Variants in MTAP observed in about 807,000 individuals in gnomAD.
MTAP encodes methylthioadenosine phosphorylase.
A neutral mutation model predicts 33.6 loss-of-function variants in MTAP; 33 were observed. That is an observed-to-expected ratio of 0.98 (90% CI 0.74 to 1.31). MTAP has a LOEUF of 1.31. Ranked by LOEUF, MTAP falls within the 40% of genes most tolerant of loss-of-function variation. The pLI is 0.00. For synonymous variants in MTAP, 148 were observed against 125.7 expected (o/e 1.18, Z -1.19); for missense variants, 367 against 360.0 (o/e 1.02, Z -0.16).
intron 7 of MTAP, chr9:21,859,848 A>G (rs1825719027): frequency 6.5e-6 from 1 of 153,460 alleles, no homozygotes; most frequent in African/African-American, 2.4e-5. Flanking sequence ...GGTGCCAGAA[A>G]ATATCTGCTT....
In MTAP at chr9:21,862,458, A is replaced by G. The variant is rs1825773480; in HGVS notation, c.*444A>G. 1 of 155,080 alleles carries G rather than the reference A, an allele frequency of 6.4e-6. No homozygotes were observed. Among genetic ancestry groups the G allele is most frequent in the South Asian group, 2.0e-4 (1 of 4,970 alleles). The allele number at this position is 155,080 out of a possible 1,614,324, so 9.6% of individuals were successfully genotyped here. ...GTAAAATGCATCAAAAGACTTAAAA[A>G]TACGGACGTACTTTGTGCTGGGAAC... is the stretch of plus-strand genomic sequence containing the variant. On this transcript the variant is annotated 3_prime_UTR_variant, in exon 8 of 8. Transcript: ENST00000644715.
At chr9:21,827,196 A>T (rs991259530) in intron 4 of MTAP, among the ~76,000 whole-genome samples, 1 of 152,136 alleles carries the variant, frequency 6.6e-6, no homozygotes, top group Non-Finnish European at 1.5e-5. Context: ...CTGGATGGAG[A>T]GTGGAGAGTA....
At chr9:21,941,017 G>A, downstream of MTAP, 1 of 984,428 alleles carries the variant, frequency 1.0e-6, no homozygotes, top group Non-Finnish European at 1.2e-6. Context: ...ACATATATTT[G>A]CATGAAATCA....
intron 1 of MTAP, among the ~76,000 whole-genome samples, chr9:21,891,108 A>T (rs962022282): frequency 6.6e-6 from 1 of 152,212 alleles, no homozygotes; most frequent in Non-Finnish European, 1.5e-5. Context: ...CCATCAAGGG[A>T]ACCAACAAAT....
At chr9:21,836,745 G>T (rs1825118519) in intron 4 of MTAP, among the ~76,000 whole-genome samples, 1 of 152,210 alleles carries the variant, frequency 6.6e-6, no homozygotes, top group African/African-American at 2.4e-5. Context: ...GTTGGGAGGA[G>T]CTCGGATGGG....
chr9:21,826,426 A>T (rs1318649971), intron 4 of MTAP, among the ~76,000 whole-genome samples: 1 of 151,422 alleles, frequency 6.6e-6, no homozygotes, highest in Non-Finnish European at 1.5e-5. Context: ...ATCAAGTGTC[A>T]TTTAGTGTCT....
chr9:21,909,281 T>C (rs970195120), intron 1 of MTAP, among the ~76,000 whole-genome samples: 32 of 152,066 alleles, frequency 2.1e-4, no homozygotes, highest in African/African-American at 7.7e-4. Context: ...TCTTTTAGCA[T>C]TTAAAAAAAA....
intron 5 of MTAP, among the ~76,000 whole-genome samples, chr9:21,843,746 G>T (rs980184952): frequency 6.6e-6 from 1 of 152,160 alleles, no homozygotes; most frequent in Non-Finnish European, 1.5e-5. Flanking sequence ...TACAGAAAAA[G>T]TGGTGCTAAT....
rs150293271 is a variant in MTAP, at chr9:21,882,985, T to G, written c.147+28115T>G. Among the ~76,000 whole-genome samples the G allele has an allele frequency of 3.5e-4, 52 of 149,408 alleles. No individual in the cohort carries two copies. The Middle Eastern group carries it at 0.01, about 30-fold the overall frequency. ...TGCTTATTTTCAAAAAGAAAAAAAA[T>G]TAAGAAGTGAGGCCCCTAACTCAAG... On this transcript the variant is annotated intron_variant, in intron 1 of 1. Transcript: ENST00000577563.
chr9:21,803,482 C>T (rs533100098), intron 1 of MTAP: 1 of 152,174 alleles, frequency 6.6e-6, no homozygotes, highest in African/African-American at 2.4e-5. Context: ...GTTTTGCAGC[C>T]TTGCAAGTTA....
At position 21,837,960 on chromosome 9, in the gene MTAP, G is replaced by A. The variant is rs939611594; in HGVS notation, c.400G>A (p.Gly134Arg). Reference sequence around the variant, plus strand: ...TGATGGAAGTCATTCTTGTGCCAGAGGAGTGTGCCATATTCCAATGGCTGA... The same window carrying A: ...TGATGGAAGTCATTCTTGTGCCAGAAGAGTGTGCCATATTCCAATGGCTGA... ...FYDGSHSCAR[G>R]VCHIPMAEPF... The change falls in exon 5 of 8, where the codon GGA becomes AGA. Residue 134 changes from glycine (G) to arginine (R), a missense_variant. Gly to Arg is a moderately radical substitution (Grantham distance 125). Transcript: ENST00000644715. The A allele has an allele frequency of 6.2e-7, 1 of 1,614,058 alleles. No homozygotes were observed. The highest frequency in any genetic ancestry group is 8.5e-7 in the Non-Finnish European group (1 of 1,180,020).
chr9:21,935,454 G>A (rs1159704757), downstream of MTAP: 3 of 151,650 alleles, frequency 2.0e-5, no homozygotes, highest in African/African-American at 7.3e-5. Context: ...CAGTTCTTTA[G>A]TTGCATATAA....
At chr9:21,884,901 A>G (rs1014145647) in intron 1 of MTAP, among the ~76,000 whole-genome samples, 5 of 152,196 alleles carry the variant, frequency 3.3e-5, no homozygotes, top group Non-Finnish European at 7.3e-5. Flanking sequence ...TCAAGGTTGC[A>G]TACACAATTA....
At chr9:21,845,237 A>G (rs1825349416) in intron 5 of MTAP, among the ~76,000 whole-genome samples, 1 of 152,220 alleles carries the variant, frequency 6.6e-6, no homozygotes, top group Admixed American at 6.5e-5. Flanking sequence ...GAGGAAGTCA[A>G]ACTGTTGCTG....
At chr9:21,806,443 G>C (rs1824209854) in intron 1 of MTAP, among the ~76,000 whole-genome samples, 6 of 152,088 alleles carry the variant, frequency 3.9e-5, no homozygotes. Context: ...GTGAGTGTAG[G>C]ATTCCTTCCT....
At chr9:21,873,004 A>G (rs1053096223) in intron 1 of MTAP, among the ~76,000 whole-genome samples, 1 of 152,064 alleles carries the variant, frequency 6.6e-6, no homozygotes, top group Non-Finnish European at 1.5e-5. Flanking sequence ...TTACAAATAC[A>G]TTGGTTCCTT....
rs1818796985 is a variant in MTAP, at chr9:21,922,106, C to G, written c.148-8902C>G. Among the ~76,000 whole-genome samples the G allele has an allele frequency of 6.6e-6, 1 of 152,058 alleles. No homozygotes were observed. The highest frequency in any genetic ancestry group is 1.5e-5 in the Non-Finnish European group (1 of 68,026). On this transcript the variant is annotated intron_variant, in intron 1 of 1. Transcript: ENST00000577563. The surrounding 1 kb of genome is among the most constrained non-coding windows in gnomAD (Gnocchi z 4.8). ...AACAGCTTCCCAATAAGGAGCTGAG[C>G]AAGCAGTCTCAAGCATGCACTAAGA...
rs1018103939 is a variant in MTAP at position 21,904,080 on chromosome 9, C to T, written c.148-26928C>T. Reference sequence around the variant, plus strand: ...GGTTTTCCCCTTGGGTCAGGCCACTCGGCAGCCTGGGCGGCCTGGGCTGTC... The same window carrying T: ...GGTTTTCCCCTTGGGTCAGGCCACTTGGCAGCCTGGGCGGCCTGGGCTGTC... On this transcript the variant is annotated intron_variant, in intron 1 of 1. Transcript: ENST00000577563. Among the ~76,000 whole-genome samples, 5 of 152,264 alleles carry T rather than the reference C, an allele frequency of 3.3e-5. No homozygotes were observed. In the South Asian group the frequency reaches 6.2e-4, roughly 19 times the overall value.
chr9:21,822,541 T>C (rs1459980674), intron 4 of MTAP, among the ~76,000 whole-genome samples: 1 of 152,192 alleles, frequency 6.6e-6, no homozygotes, highest in African/African-American at 2.4e-5. Context: ...AGGAGTGCTT[T>C]ACTTCCAACT....
Sources: allele counts gnomAD v4.1 joint callset (sites outside exome capture counted in the v4.1 genomes callset), GRCh38; gene constraint gnomAD v4.1.1; non-coding constraint Gnocchi (gnomAD v3.1); transcripts MANE v1.5; gene names NCBI Gene and HGNC (gene_info 2026-07-23, HGNC 2026-07-21).